Variants in STK24 observed in about 807,000 individuals in gnomAD.
The protein encoded by STK24 is serine/threonine-protein kinase 24.
In STK24, 21 loss-of-function variants were observed where a neutral mutation model predicts 55.6. The observed-to-expected ratio is 0.38, with a 90% CI of 0.27 to 0.54. The LOEUF is 0.54. STK24 is among the 20% of genes least tolerant of loss of function. The probability of loss-of-function intolerance (pLI) is 0.79; values close to 1 mark genes in which losing one functional copy is unlikely to be tolerated. For missense variants in STK24, 383 were observed against 538.4 expected, an observed-to-expected ratio of 0.71 and a Z score of 2.86; for synonymous variants, 200 against 215.2, an observed-to-expected ratio of 0.93 and a Z score of 0.62.
chr13:98,518,956 TATA>T (rs143670007), intron 2 of STK24, among the ~76,000 whole-genome samples: 28,572 of 152,146 alleles, frequency 0.19, 2,982 homozygotes, highest in Non-Finnish European at 0.24. Flanking sequence ...GAATAACTGT[TATA>T]ATAACTTAAT....
At chr13:98,544,543 GC>G (rs1487445158) in intron 1 of STK24, among the ~76,000 whole-genome samples, 1 of 152,246 alleles carries the variant, frequency 6.6e-6, no homozygotes, top group African/African-American at 2.4e-5. Context: ...GGCAGGGCAG[GC>G]CGGAGAGGAG....
At chr13:98,474,677 T>C (rs989169470) in intron 5 of STK24, 144 bp downstream of exon 5, 5 of 1,067,140 alleles carry the variant, frequency 4.7e-6, no homozygotes, top group Non-Finnish European at 6.7e-6. Flanking sequence ...AAACTGTTCA[T>C]AACCAAGGTT....
At chr13:98,477,670 G>A (rs1248088797) in intron 3 of STK24, among the ~76,000 whole-genome samples, 4 of 144,298 alleles carry the variant, frequency 2.8e-5, no homozygotes, top group Non-Finnish European at 4.5e-5. Context: ...GCAAGATTCC[G>A]TCTCAAAAAA....
In STK24 at chr13:98,487,859, A is replaced by G. The variant is rs146464681; in HGVS notation, c.274-5538T>C. On this transcript the variant is annotated intron_variant, in intron 2 of 10. Transcript: ENST00000539966. The stretch of plus-strand genomic sequence containing the variant: ...TGAAGGGACTCCATCTGAATTTTTA[A>G]CAGATACTGACAAGTGACCCTCCAA... Among the ~76,000 whole-genome samples, 486 of 152,180 alleles carry G rather than the reference A, an allele frequency of 3.2e-3. 3 individuals carry two copies. The highest frequency in any genetic ancestry group is 0.011 in the African/African-American group (448 of 41,492).
chr13:98,497,677 AC>A (rs1256793330), intron 2 of STK24, among the ~76,000 whole-genome samples: 1 of 152,170 alleles, frequency 6.6e-6, no homozygotes, highest in Non-Finnish European at 1.5e-5. Context: ...AATTCTGTGG[AC>A]CACCCACACC....
chr13:98,528,386 G>T (rs2139398209), intron 1 of STK24, among the ~76,000 whole-genome samples: 1 of 152,260 alleles, frequency 6.6e-6, no homozygotes, highest in South Asian at 2.1e-4. Context: ...GGTCCCCTCA[G>T]CCCAGTCTAG....
intron 1 of STK24, among the ~76,000 whole-genome samples, chr13:98,564,279 C>T (rs1396545014): frequency 3.9e-5 from 6 of 152,108 alleles, no homozygotes; most frequent in East Asian, 3.8e-4. Flanking sequence ...GGAAAAACAC[C>T]GGCGGGTATG....
chr13:98,460,516 C>T, intron 8 of STK24, 76 bp from the exon 9 acceptor site: 1 of 1,254,032 alleles, frequency 8.0e-7, no homozygotes. Context: ...AACCTCCCAC[C>T]TGGACTATGG....
At chr13:98,570,921 G>C (rs1338118011) in intron 1 of STK24, among the ~76,000 whole-genome samples, 8 of 152,128 alleles carry the variant, frequency 5.3e-5, no homozygotes, top group Non-Finnish European at 1.2e-4. Context: ...GGATAATAGA[G>C]TGCAACTTCT....
At chr13:98,544,067 A>G (rs944442327) in intron 1 of STK24, among the ~76,000 whole-genome samples, 26 of 152,236 alleles carry the variant, frequency 1.7e-4, no homozygotes, top group Non-Finnish European at 4.4e-5. Flanking sequence ...AGGTGCATTT[A>G]CGTTAGGCTG....
At chr13:98,533,336 G>A (rs1358800824) in intron 1 of STK24, among the ~76,000 whole-genome samples, 3 of 152,206 alleles carry the variant, frequency 2.0e-5, no homozygotes, top group Non-Finnish European at 2.9e-5. Context: ...TCCAGCCTGG[G>A]TGACAGAGCG....
At chr13:98,496,701 T>C (rs745880492) in intron 2 of STK24, among the ~76,000 whole-genome samples, 6 of 152,260 alleles carry the variant, frequency 3.9e-5, no homozygotes, top group Non-Finnish European at 7.3e-5. Flanking sequence ...TTATAAAATG[T>C]TGCAGACTCT....
chr13:98,514,269 G>A (rs1432087220), intron 2 of STK24, among the ~76,000 whole-genome samples: 1 of 152,198 alleles, frequency 6.6e-6, no homozygotes, highest in Non-Finnish European at 1.5e-5. Flanking sequence ...GGAGACGCTG[G>A]CCACTTCTAT....
intron 2 of STK24, among the ~76,000 whole-genome samples, chr13:98,510,908 T>G (rs1276146516): frequency 1.3e-5 from 2 of 152,214 alleles, no homozygotes; most frequent in Non-Finnish European, 2.9e-5. Flanking sequence ...GGTTTTTATT[T>G]TTTTACTTAA....
At chr13:98,542,088 C>T (rs373941693) in intron 1 of STK24, among the ~76,000 whole-genome samples, 4 of 152,202 alleles carry the variant, frequency 2.6e-5, no homozygotes, top group African/African-American at 4.8e-5. Flanking sequence ...CCGTTTATAA[C>T]TCATTTCTTA....
intron 1 of STK24, among the ~76,000 whole-genome samples, chr13:98,527,154 C>T (rs975571220): frequency 1.3e-5 from 2 of 152,166 alleles, no homozygotes; most frequent in Non-Finnish European, 2.9e-5. Context: ...CTGAGAATAA[C>T]TGAAAAATCA....
chr13:98,535,398 TACACACACACACACACACACACACAC>T (rs56768700), intron 1 of STK24, among the ~76,000 whole-genome samples: 31 of 142,798 alleles, frequency 2.2e-4, no homozygotes, highest in African/African-American at 8.3e-4. Flanking sequence ...TATGTGTGTA[TACACACACACACACACACACACACAC>T]ACACACACAC....
intron 2 of STK24, among the ~76,000 whole-genome samples, chr13:98,512,606 G>A (rs1434446292): frequency 6.7e-6 from 1 of 148,884 alleles, no homozygotes; most frequent in East Asian, 2.0e-4. Context: ...GGAAAGCAAG[G>A]TACCAGCCCC....
intron 2 of STK24, among the ~76,000 whole-genome samples, chr13:98,510,423 C>T (rs1489940960): frequency 1.3e-5 from 2 of 152,194 alleles, no homozygotes; most frequent in Non-Finnish European, 2.9e-5. Context: ...TAACCCCACT[C>T]CCAAGTAATA....
Sources: gnomAD v4.1 joint callset for allele counts (sites outside exome capture counted in the v4.1 genomes callset) on GRCh38, gnomAD v4.1.1 for gene constraint, MANE v1.5 for transcripts, NCBI Gene and HGNC (gene_info 2026-07-23, HGNC 2026-07-21) for gene names.